The following FSTL4 variants were observed in gnomAD, a reference collection of about 807,000 sequenced individuals.
FSTL4 encodes the protein follistatin like 4.
In FSTL4, 28 loss-of-function variants were observed where a neutral mutation model predicts 78.2. That is an observed-to-expected ratio of 0.36 (90% CI 0.27 to 0.49). The LOEUF is 0.49. Among genes scored for constraint, FSTL4 ranks in the 20% least tolerant of loss-of-function variants. The probability of loss-of-function intolerance (pLI) is 0.98; values close to 1 mark genes in which losing one functional copy is unlikely to be tolerated. For missense variants in FSTL4, 922 were observed against 1,084.9 expected (o/e 0.85, Z 2.11); for synonymous variants, 422 against 440.5 (o/e 0.96, Z 0.53).
At chr5:133,697,702 C>G in the FSTL4 span, among the ~76,000 whole-genome samples, 1 of 152,220 alleles carries the variant, frequency 6.6e-6, no homozygotes, top group South Asian at 2.1e-4. Flanking sequence ...CAGGCTCTGG[C>G]CCTCAGAGGC....
chr5:133,211,701 ACC>A (rs1158081847), intron 13 of FSTL4, among the ~76,000 whole-genome samples: 1 of 152,044 alleles, frequency 6.6e-6, no homozygotes, highest in Non-Finnish European at 1.5e-5. Flanking sequence ...ACCCTTACAT[ACC>A]CTTCCTTACC....
intron 6 of FSTL4, among the ~76,000 whole-genome samples, chr5:133,297,377 C>T (rs948879248): frequency 6.6e-6 from 1 of 152,080 alleles, no homozygotes; most frequent in African/African-American, 2.4e-5. Flanking sequence ...AGCCAAGGCT[C>T]GGTGGGACTC....
Position 133,224,347 on chromosome 5 carries a change from C to G in FSTL4, c.1313-131G>C. 3 of 662,936 alleles carry G rather than the reference C, an allele frequency of 4.5e-6. No individual in the cohort carries two copies. The East Asian group carries it at 8.3e-5, about 18-fold the overall frequency. 41.1% of individuals were successfully genotyped at this position (662,936 alleles called of 1,614,324 possible). A position where few individuals can be genotyped will look rare whatever the true frequency, so the allele number is the denominator to read the frequency against. On this transcript the variant is annotated intron_variant, in intron 10 of 15. Transcript: ENST00000265342. The stretch of plus-strand genomic sequence containing the variant: ...GTACCTAGTCCATCACTTACAGAAT[C>G]TATACCACTCATTGCCCTAGGAACA...
At chr5:133,368,751 A>G (rs1042757286) in intron 4 of FSTL4, among the ~76,000 whole-genome samples, 1 of 152,200 alleles carries the variant, frequency 6.6e-6, no homozygotes, top group Admixed American at 6.5e-5. Flanking sequence ...CCTGTAGTCT[A>G]GCCCCATGGG....
intron 7 of FSTL4, among the ~76,000 whole-genome samples, chr5:133,240,336 A>C (rs987821345): frequency 6.6e-6 from 1 of 152,232 alleles, no homozygotes; most frequent in African/African-American, 2.4e-5. Context: ...GACCTGAGGA[A>C]CCATCCTTTT....
At chr5:133,686,356 CACATGAGGTAGTGTT>C in the FSTL4 span, among the ~76,000 whole-genome samples, 8 of 152,288 alleles carry the variant, frequency 5.3e-5, no homozygotes, top group South Asian at 2.1e-4. Context: ...CCAGTAGGGT[CACATGAGGTAGTGTT>C]ACATGAGGTA....
At chr5:133,672,041 C>G in the FSTL4 span, among the ~76,000 whole-genome samples, 1 of 152,208 alleles carries the variant, frequency 6.6e-6, no homozygotes, top group South Asian at 2.1e-4. Flanking sequence ...GGAACCTCTA[C>G]TTTACTTTTT....
the FSTL4 span, among the ~76,000 whole-genome samples, chr5:133,735,145 C>T: frequency 2.0e-5 from 3 of 152,122 alleles, no homozygotes; most frequent in East Asian, 1.9e-4. Context: ...CATGCCTGAC[C>T]CATCCCACAA....
Position 133,305,044 on chromosome 5 carries a change from G to T in FSTL4, c.727+7610C>A, listed in dbSNP as rs574646511. Among the ~76,000 whole-genome samples the T allele has an allele frequency of 2.0e-5, 3 of 152,342 alleles. No individual in the cohort carries two copies. In the East Asian group the frequency reaches 5.8e-4, roughly 29 times the overall value. On this transcript the variant is annotated intron_variant, in intron 6 of 15. Coordinates refer to ENST00000265342, the MANE Select transcript of FSTL4 (RefSeq NM_015082.2). ...GCAAGGGAGAGCCAAAAAGGACAGAGTCCAGACCCCAGAACATCAGGAGGT... is the reference window on the plus strand; with the variant it reads ...GCAAGGGAGAGCCAAAAAGGACAGATTCCAGACCCCAGAACATCAGGAGGT...
intron 3 of FSTL4, among the ~76,000 whole-genome samples, chr5:133,439,895 G>A (rs1757114762): frequency 6.6e-6 from 1 of 152,182 alleles, no homozygotes; most frequent in Non-Finnish European, 1.5e-5. Flanking sequence ...GCCTTCATTA[G>A]GAATTCACTT....
chr5:133,727,550 C>G, the FSTL4 span, among the ~76,000 whole-genome samples: 10 of 152,214 alleles, frequency 6.6e-5, no homozygotes, highest in East Asian at 1.2e-3. Context: ...CTCCAAGAGC[C>G]CAGGGACTGG....
intron 3 of FSTL4, among the ~76,000 whole-genome samples, chr5:133,406,895 G>C (rs576959015): frequency 1.3e-4 from 20 of 152,234 alleles, no homozygotes; most frequent in Non-Finnish European, 2.5e-4. Context: ...ACTTGCCTAT[G>C]GTTAGACAGC....
intron 3 of FSTL4, among the ~76,000 whole-genome samples, chr5:133,408,561 T>C (rs548561239): frequency 3.8e-5 from 2 of 52,386 alleles, no homozygotes; most frequent in South Asian, 6.6e-4. Flanking sequence ...TCCTCTTCAC[T>C]GAGGCGGGGG....
the FSTL4 span, among the ~76,000 whole-genome samples, chr5:133,708,369 G>A: frequency 1.3e-5 from 2 of 152,110 alleles, no homozygotes; most frequent in Non-Finnish European, 2.9e-5. Context: ...GTGGGTCTCT[G>A]CCCTATTTTG....
chr5:133,401,403 A>G (rs1169297295), intron 3 of FSTL4, among the ~76,000 whole-genome samples: 3 of 152,248 alleles, frequency 2.0e-5, no homozygotes, highest in East Asian at 3.8e-4. Context: ...TACTGCTCCC[A>G]GGCTCACAGT....
intron 8 of FSTL4, among the ~76,000 whole-genome samples, chr5:133,232,932 T>C (rs1751537871): frequency 6.6e-6 from 1 of 152,244 alleles, no homozygotes; most frequent in Non-Finnish European, 1.5e-5. Flanking sequence ...TTGGCTAAGA[T>C]GAGGCTCATT....
At chr5:133,644,837 G>C in the FSTL4 span, among the ~76,000 whole-genome samples, 40 of 152,182 alleles carry the variant, frequency 2.6e-4, 1 homozygote, top group Non-Finnish European at 5.1e-4. Flanking sequence ...CTCTAGCTGG[G>C]TTCTGCCAAC....
the FSTL4 span, among the ~76,000 whole-genome samples, chr5:133,625,396 G>T: frequency 4.6e-5 from 7 of 151,510 alleles, no homozygotes; most frequent in African/African-American, 1.7e-4. Context: ...TCAAATTTGT[G>T]TGTATAGAGT....
the FSTL4 span, among the ~76,000 whole-genome samples, chr5:133,761,716 T>C: frequency 6.6e-6 from 1 of 152,206 alleles, no homozygotes; most frequent in Non-Finnish European, 1.5e-5. Context: ...CTTGGCCCAG[T>C]GTTGGACAGG....
Sources: gnomAD v4.1 joint callset for allele counts (sites outside exome capture counted in the v4.1 genomes callset) on GRCh38, gnomAD v4.1.1 for gene constraint, MANE v1.5 for transcripts, NCBI Gene and HGNC (gene_info 2026-07-23, HGNC 2026-07-21) for gene names.